Variants in SIK3 observed in about 807,000 individuals in gnomAD.
SIK3 encodes serine/threonine-protein kinase SIK3.
Under a neutral mutation model 144.2 loss-of-function variants are expected in SIK3, and 28 were observed. The observed-to-expected ratio is 0.19, with a 90% CI of 0.14 to 0.27. SIK3 has a LOEUF of 0.27. Among genes scored for constraint, SIK3 ranks in the 10% least tolerant of loss-of-function variants. The probability of loss-of-function intolerance (pLI) is 1.00; values close to 1 mark genes in which losing one functional copy is unlikely to be tolerated. For missense variants in SIK3, 1,319 were observed against 1,776.0 expected (o/e 0.74, Z 4.62); for synonymous variants, 686 against 676.3 (o/e 1.01, Z -0.22).
intron 6 of SIK3, among the ~76,000 whole-genome samples, chr11:116,888,019 T>C (rs1458778678): frequency 6.6e-6 from 1 of 152,110 alleles, no homozygotes; most frequent in East Asian, 1.9e-4. Context: ...TTACTGACAA[T>C]AGAGAGCAGC....
At chr11:116,924,088 G>A (rs548662848) in intron 4 of SIK3, among the ~76,000 whole-genome samples, 3 of 152,166 alleles carry the variant, frequency 2.0e-5, no homozygotes, top group East Asian at 3.9e-4. Context: ...GAGGTCAGGA[G>A]TTCAAGACTA....
At position 116,944,474 on chromosome 11, in the gene SIK3, C is replaced by CAATCA. The variant is rs558073351; in HGVS notation, c.454+9565_454+9569dup. ...CAGATCAATCATGTGAGCAATCAAT[C>CAATCA]AATCAATCAATCAGGCTTATGTAAA... On this transcript the variant is annotated intron_variant, in intron 3 of 24. Coordinates refer to ENST00000445177, the MANE Select transcript of SIK3 (RefSeq NM_001366686.3). Among the ~76,000 whole-genome samples, 1,154 of 152,122 alleles carry CAATCA rather than the reference C, an allele frequency of 7.6e-3. 13 individuals carry two copies. The highest frequency in any genetic ancestry group is 0.027 in the African/African-American group (1,110 of 41,482).
At chr11:116,940,618 G>A (rs553720098) in intron 3 of SIK3, among the ~76,000 whole-genome samples, 1 of 151,964 alleles carries the variant, frequency 6.6e-6, no homozygotes, top group East Asian at 1.9e-4. Flanking sequence ...AGAAATGACT[G>A]GATGATCAGA....
intron 1 of SIK3, among the ~76,000 whole-genome samples, chr11:117,002,588 A>G (rs1950893687): frequency 6.6e-6 from 1 of 152,222 alleles, no homozygotes. Flanking sequence ...CATTCTACAC[A>G]ATAAGCCTGC....
rs150938042 is a variant in SIK3 at position 117,074,082 on chromosome 11, T to C, written c.273+24061A>G. Among the ~76,000 whole-genome samples the C allele has an allele frequency of 2.0e-3, 308 of 152,256 alleles. 3 individuals carry two copies. Among genetic ancestry groups the C allele is most frequent in the African/African-American group, 6.9e-3 (287 of 41,540 alleles). ...TGAATGCTGTTTCACTCTCAGTCTA[T>C]TCTAGGGAGCTCTGACAGTCCCCAG... On this transcript the variant is annotated intron_variant, in intron 1 of 24. Transcript: ENST00000445177.
rs1941841511 is a variant in SIK3, at chr11:116,845,042, T to G, written c.*601A>C. ...GCGTTCCAGGCTTGGGGGTTTCTCT[T>G]TTTTTGTTCTTTTTGTTTTCTAAGT... On this transcript the variant is annotated 3_prime_UTR_variant, in exon 25 of 25. Transcript: ENST00000445177. 6.6e-6 allele frequency: 1 copy of G among 152,084 alleles called. No individual in the cohort carries two copies. The highest frequency in any genetic ancestry group is 1.5e-5 in the Non-Finnish European group (1 of 68,026). The allele number at this position is 152,084 out of a possible 1,614,324, so 9.4% of individuals were successfully genotyped here.
At position 117,023,617 on chromosome 11, in the gene SIK3, A is replaced by ATATATATAT. The variant is rs1194910685; in HGVS notation, c.274-66554_274-66553insATATATATA. Among the ~76,000 whole-genome samples, 61 of 109,146 alleles carry ATATATATAT rather than the reference A, an allele frequency of 5.6e-4. 1 individual carries two copies. Among genetic ancestry groups the ATATATATAT allele is most frequent in the African/African-American group, 2.4e-3 (53 of 21,650 alleles). 71.6% of individuals were successfully genotyped at this position (109,146 alleles called of 152,430 possible). Reference sequence around the variant, plus strand: ...ACAAACAAACAAACAAACAAAAAAAAAAAAATATATATATATATATATATA... The same window carrying ATATATATAT: ...ACAAACAAACAAACAAACAAAAAAAATATATATATAAAAATATATATATATATATATATA... On this transcript the variant is annotated intron_variant, in intron 1 of 24. Transcript: ENST00000445177.
intron 1 of SIK3, among the ~76,000 whole-genome samples, chr11:117,065,259 T>C (rs1278851750): frequency 6.6e-6 from 1 of 151,834 alleles, no homozygotes; most frequent in African/African-American, 2.4e-5. Flanking sequence ...CTTGTTCTGA[T>C]AAACCCCAAA....
intron 1 of SIK3, among the ~76,000 whole-genome samples, chr11:116,999,772 C>T (rs1033051425): frequency 1.7e-4 from 26 of 152,128 alleles, no homozygotes; most frequent in Non-Finnish European, 3.7e-4. Context: ...GCAGTAAATA[C>T]TCTTATGACT....
intron 15 of SIK3, among the ~76,000 whole-genome samples, chr11:116,866,995 G>A (rs1448477624): frequency 6.6e-6 from 1 of 152,122 alleles, no homozygotes; most frequent in Non-Finnish European, 1.5e-5. Context: ...GATGCCAAAT[G>A]GGTAACCAGC....
chr11:117,019,161 A>G (rs1951661268), intron 1 of SIK3, among the ~76,000 whole-genome samples: 1 of 151,932 alleles, frequency 6.6e-6, no homozygotes, highest in Non-Finnish European at 1.5e-5. Flanking sequence ...CTGGGACTAC[A>G]GGTGCACACC....
chr11:117,059,855 A>G (rs1953715575), intron 1 of SIK3, among the ~76,000 whole-genome samples: 1 of 152,224 alleles, frequency 6.6e-6, no homozygotes, highest in Non-Finnish European at 1.5e-5. Context: ...ACAACATCAA[A>G]TGCTGGTAAG....
chr11:116,995,584 C>G (rs922883538), intron 1 of SIK3, among the ~76,000 whole-genome samples: 6 of 152,110 alleles, frequency 3.9e-5, no homozygotes, highest in Non-Finnish European at 5.9e-5. Context: ...CCTACCTGTG[C>G]AGATCTTATC....
rs1394817119 is a variant in SIK3 at position 116,847,000 on chromosome 11, T to C, written c.3953-447A>G. 6.6e-6 allele frequency among the ~76,000 whole-genome samples: 1 copy of C among 152,194 alleles called. No individual in the cohort carries two copies. Among genetic ancestry groups the C allele is most frequent in the Non-Finnish European group, 1.5e-5 (1 of 68,026 alleles). Reference sequence around the variant, plus strand: ...AGGGCACAATGTAGGATAAAGGCTCTATCGTTTTTGCCACTTTACAGATGA... The same window carrying C: ...AGGGCACAATGTAGGATAAAGGCTCCATCGTTTTTGCCACTTTACAGATGA... On this transcript the variant is annotated intron_variant, in intron 23 of 24. Transcript: ENST00000445177. The surrounding 1 kb of genome is among the most constrained non-coding windows in gnomAD (Gnocchi z 4.1).
Position 117,098,145 on chromosome 11 carries a change from TG to T in SIK3, c.270del (p.Lys91ArgfsTer7). On this transcript the variant is annotated frameshift_variant, in exon 1 of 25. Coordinates refer to ENST00000445177, the MANE Select transcript of SIK3 (RefSeq NM_001366686.3). LOFTEE classifies it high-confidence loss of function. ...VKRATHLVTK[A>X]KVAIKIIDKT... ...CCGCCTGGCCCCTGCGCCGGTACCT[TG>T]GCCTTGGTGACGAGGTGCGTGGCCC... The T allele has an allele frequency of 6.7e-7, 1 of 1,490,934 alleles. No homozygotes were observed. Among genetic ancestry groups the T allele is most frequent in the Non-Finnish European group, 8.9e-7 (1 of 1,118,126 alleles). The allele number at this position is 1,490,934 out of a possible 1,614,324, so 92.4% of individuals were successfully genotyped here. A position where few individuals can be genotyped will look rare whatever the true frequency, so the allele number is the denominator to read the frequency against.
intron 1 of SIK3, among the ~76,000 whole-genome samples, chr11:117,075,136 T>C (rs1438160363): frequency 3.3e-5 from 5 of 152,158 alleles, no homozygotes; most frequent in Non-Finnish European, 1.5e-5. Context: ...ATAAACTATC[T>C]CAAGACATAT....
intron 1 of SIK3, among the ~76,000 whole-genome samples, chr11:117,077,150 C>G (rs2136031745): frequency 6.6e-6 from 1 of 152,212 alleles, no homozygotes; most frequent in East Asian, 1.9e-4. Flanking sequence ...AGAGCAAGAC[C>G]CTGTCTCTAA....
intron 3 of SIK3, among the ~76,000 whole-genome samples, chr11:116,943,026 G>C (rs762476791): frequency 1.5e-4 from 23 of 152,136 alleles, no homozygotes; most frequent in Non-Finnish European, 3.2e-4. Flanking sequence ...GGTAGTTATG[G>C]AGGTGGTGAT....
chr11:116,999,948 A>G (rs979905039), intron 1 of SIK3, among the ~76,000 whole-genome samples: 3 of 152,216 alleles, frequency 2.0e-5, no homozygotes, highest in Admixed American at 2.0e-4. Context: ...CAAATCCCAG[A>G]GCAACAGTGG....
Sources: gnomAD v4.1 joint callset for allele counts (sites outside exome capture counted in the v4.1 genomes callset) on GRCh38, gnomAD v4.1.1 for gene constraint, Gnocchi (gnomAD v3.1) non-coding constraint, MANE v1.5 for transcripts, NCBI Gene and HGNC (gene_info 2026-07-23, HGNC 2026-07-21) for gene names.